Variants in DCAF8L2 observed in about 807,000 individuals in gnomAD.
The protein encoded by DCAF8L2 is DDB1 and CUL4 associated factor 8 like 2, also known as DDB1- and CUL4-associated factor 8-like protein 2.
For synonymous variants in DCAF8L2, 200 were observed against 190.9 expected (o/e 1.05, Z -0.39); for missense variants, 430 against 490.7 (o/e 0.88, Z 1.17).
chrX:27,558,602 T>A, the DCAF8L2 span, among the ~76,000 whole-genome samples: 7 of 111,319 alleles, frequency 6.3e-5, no homozygotes, highest in African/African-American at 9.8e-5. Context: ...CTTCTTTTTT[T>A]AAATTTTTTA....
chrX:27,599,622 G>A (rs1430917055), intron 1 of DCAF8L2, among the ~76,000 whole-genome samples: 1 of 111,148 alleles, frequency 9.0e-6, no homozygotes, highest in African/African-American at 3.3e-5. Context: ...GCATCCAGAT[G>A]GTGGTGGTGG....
chrX:27,516,265 T>C, the DCAF8L2 span, among the ~76,000 whole-genome samples: 3 of 111,175 alleles, frequency 2.7e-5, no homozygotes, highest in East Asian at 2.8e-4. Context: ...TAAGATATAA[T>C]GGAAATTAAT....
chrX:27,502,335 AATATATATATATATATATAT>A, the DCAF8L2 span, among the ~76,000 whole-genome samples: 13 of 12,718 alleles, frequency 1.0e-3, no homozygotes, highest in East Asian at 7.0e-3. Context: ...AAAAAAAAAA[AATATATATATATATATATAT>A]ATATATATAT....
chrX:27,728,809 C>T (rs1049227030), intron 4 of DCAF8L2, among the ~76,000 whole-genome samples: 2 of 112,029 alleles, frequency 1.8e-5, no homozygotes, highest in Non-Finnish European at 3.8e-5. Flanking sequence ...TTGCAACAAA[C>T]ATAACCCCAT....
chrX:27,592,423 T>G (rs1305300821), intron 1 of DCAF8L2, among the ~76,000 whole-genome samples: 1 of 108,341 alleles, frequency 9.2e-6, no homozygotes, highest in African/African-American at 3.3e-5. Flanking sequence ...TTTTGTTTTT[T>G]TTTTTTTTGG....
chrX:27,592,943 T>C (rs771788172), intron 1 of DCAF8L2, among the ~76,000 whole-genome samples: 67 of 109,497 alleles, frequency 6.1e-4, no homozygotes, highest in African/African-American at 2.0e-3. Context: ...GGATTACAGG[T>C]GCCCGCCACC....
chrX:27,589,092 T>G (rs770472171), upstream of DCAF8L2, among the ~76,000 whole-genome samples: 2 of 74,187 alleles, frequency 2.7e-5, no homozygotes, highest in East Asian at 6.0e-4. Flanking sequence ...GGACAAGTTC[T>G]TAGTGTCACT....
At chrX:27,561,117 G>A in the DCAF8L2 span, among the ~76,000 whole-genome samples, 1 of 112,181 alleles carries the variant, frequency 8.9e-6, no homozygotes, top group Non-Finnish European at 1.9e-5. Context: ...GTCCCAGCAC[G>A]GGACTAGTGG....
At position 27,715,280 on chromosome X, in the gene DCAF8L2, T is replaced by C. The variant is rs747078100; in HGVS notation, c.-142-808T>C. Among the ~76,000 whole-genome samples, 4 of 101,617 alleles carry C rather than the reference T, an allele frequency of 3.9e-5. No homozygotes were observed. The South Asian group carries it at 1.4e-3, about 35-fold the overall frequency. The allele number at this position is 101,617 out of a possible 115,157, so 88.2% of individuals were successfully genotyped here. A position where few individuals can be genotyped will look rare whatever the true frequency, so the allele number is the denominator to read the frequency against. On this transcript the variant is annotated intron_variant, in intron 3 of 4. Transcript: ENST00000451261. Reference sequence around the variant, plus strand: ...GTGGCAGGAGGCTGAGGCAGGAGAATGGCGTGAACCCGGGAGGCGGAGCTT... The same window carrying C: ...GTGGCAGGAGGCTGAGGCAGGAGAACGGCGTGAACCCGGGAGGCGGAGCTT...
chrX:27,648,473 G>A (rs1318653243), intron 2 of DCAF8L2, among the ~76,000 whole-genome samples: 1 of 107,094 alleles, frequency 9.3e-6, no homozygotes, highest in Non-Finnish European at 1.9e-5. Flanking sequence ...GATTTCAAAG[G>A]TCAGTAGTAA....
chrX:27,548,028 A>G, the DCAF8L2 span, among the ~76,000 whole-genome samples: 11 of 109,494 alleles, frequency 1.0e-4, no homozygotes, highest in African/African-American at 3.3e-4. Context: ...ATTAAATTAA[A>G]CCACTTTTCT....
At chrX:27,717,735 A>G (rs1313765006) in intron 4 of DCAF8L2, among the ~76,000 whole-genome samples, 1 of 112,109 alleles carries the variant, frequency 8.9e-6, no homozygotes, top group Non-Finnish European at 1.9e-5. Context: ...TTAATTAGAT[A>G]TCATTTGTCA....
At chrX:27,730,185 G>A (rs1476965895) in intron 4 of DCAF8L2, among the ~76,000 whole-genome samples, 1 of 111,994 alleles carries the variant, frequency 8.9e-6, no homozygotes, top group African/African-American at 3.2e-5. Flanking sequence ...TGGAGGTGAA[G>A]GTGGTGAGAG....
At chrX:27,737,712 CTT>C (rs57138539) in intron 4 of DCAF8L2, among the ~76,000 whole-genome samples, 6,671 of 94,720 alleles carry the variant, frequency 0.07, 261 homozygotes, top group African/African-American at 0.16. Flanking sequence ...TATAGAGAAT[CTT>C]TTTTTTTTTT....
the DCAF8L2 span, among the ~76,000 whole-genome samples, chrX:27,554,793 AC>A: frequency 9.0e-6 from 1 of 111,452 alleles, no homozygotes; most frequent in South Asian, 3.8e-4. Context: ...GATCTGTCAG[AC>A]CCGCAAAATC....
At chrX:27,581,933 GAAAT>G in the DCAF8L2 span, among the ~76,000 whole-genome samples, 1 of 112,073 alleles carries the variant, frequency 8.9e-6, no homozygotes, top group Non-Finnish European at 1.9e-5. Flanking sequence ...TTTCTGTTCT[GAAAT>G]AAATTATTGG....
the DCAF8L2 span, among the ~76,000 whole-genome samples, chrX:27,494,673 A>G: frequency 9.0e-6 from 1 of 111,676 alleles, no homozygotes. Context: ...GGCATTTGTC[A>G]TTGCATTTTC....
At chrX:27,504,620 G>A in the DCAF8L2 span, among the ~76,000 whole-genome samples, 22,091 of 110,257 alleles carry the variant, frequency 0.2, 1,882 homozygotes, top group East Asian at 0.37. Context: ...AATTTTTATT[G>A]CATCCCCCTT....
intron 4 of DCAF8L2, among the ~76,000 whole-genome samples, chrX:27,727,175 C>T (rs1429287416): frequency 9.0e-6 from 1 of 111,698 alleles, no homozygotes; most frequent in African/African-American, 3.2e-5. Context: ...GGATCATAAA[C>T]TATTTTTATA....
Sources: allele counts gnomAD v4.1 joint callset (sites outside exome capture counted in the v4.1 genomes callset), GRCh38; gene constraint gnomAD v4.1.1; transcripts MANE v1.5; gene names NCBI Gene and HGNC (gene_info 2026-07-23, HGNC 2026-07-21).